Variants in SYNPR observed in about 807,000 individuals in gnomAD.
SYNPR encodes synaptoporin.
A neutral mutation model predicts 32.9 loss-of-function variants in SYNPR; 23 were observed. That is an observed-to-expected ratio of 0.70 (90% CI 0.50 to 0.99). The LOEUF (loss-of-function observed/expected upper bound fraction) is 0.99, where lower values mean the gene tolerates loss of function less well. Among genes scored for constraint, SYNPR ranks in the 50% least tolerant of loss-of-function variants. The probability of loss-of-function intolerance (pLI) is 0.00; values close to 1 mark genes in which losing one functional copy is unlikely to be tolerated. For missense variants in SYNPR, 318 were observed against 349.3 expected (o/e 0.91, Z 0.71); for synonymous variants, 146 against 135.9 (o/e 1.07, Z -0.52).
At chr3:63,481,677 G>A (rs1017149671) in intron 3 of SYNPR, among the ~76,000 whole-genome samples, 58 of 152,132 alleles carry the variant, frequency 3.8e-4, no homozygotes, top group African/African-American at 8.9e-4. Context: ...TATTAAGCAC[G>A]TAATCCCTGA....
chr3:63,258,871 T>A (rs964535913), intron 2 of SYNPR, among the ~76,000 whole-genome samples: 1 of 151,932 alleles, frequency 6.6e-6, no homozygotes, highest in African/African-American at 2.4e-5. Flanking sequence ...ATAGATGCAA[T>A]AAAAAATGAT....
intron 4 of SYNPR, among the ~76,000 whole-genome samples, chr3:63,601,353 T>G (rs562020672): frequency 8.4e-4 from 128 of 152,342 alleles, no homozygotes; most frequent in African/African-American, 3.0e-3. Context: ...AATTCTTTTT[T>G]TAAACTTTTA....
At chr3:63,542,345 C>A (rs1702320021) in intron 3 of SYNPR, among the ~76,000 whole-genome samples, 2 of 152,044 alleles carry the variant, frequency 1.3e-5, no homozygotes, top group Admixed American at 1.3e-4. Flanking sequence ...TACAGGTAAG[C>A]AAAAACATCA....
At chr3:63,521,283 T>C (rs1488215642) in intron 3 of SYNPR, among the ~76,000 whole-genome samples, 1 of 152,192 alleles carries the variant, frequency 6.6e-6, no homozygotes, top group African/African-American at 2.4e-5. Flanking sequence ...GGATTCTTGG[T>C]AAATATAATA....
chr3:63,522,924 ACT>A (rs1479738049), intron 3 of SYNPR, among the ~76,000 whole-genome samples: 2 of 151,854 alleles, frequency 1.3e-5, no homozygotes, highest in African/African-American at 2.4e-5. Flanking sequence ...GAAGTGACAG[ACT>A]CTGTTTTGTG....
At chr3:63,266,011 T>G (rs1381158548) in intron 2 of SYNPR, among the ~76,000 whole-genome samples, 1 of 152,064 alleles carries the variant, frequency 6.6e-6, no homozygotes, top group Non-Finnish European at 1.5e-5. Flanking sequence ...CTCTCCTAAA[T>G]TTTTTCTACA....
intron 2 of SYNPR, among the ~76,000 whole-genome samples, chr3:63,261,785 C>A (rs1280253732): frequency 6.7e-6 from 1 of 149,746 alleles, no homozygotes; most frequent in Non-Finnish European, 1.5e-5. Flanking sequence ...GGACAAAAAA[C>A]CAAACACCAC....
intron 4 of SYNPR, among the ~76,000 whole-genome samples, chr3:63,596,937 G>A (rs1411039246): frequency 6.6e-6 from 1 of 152,106 alleles, no homozygotes; most frequent in Non-Finnish European, 1.5e-5. Context: ...GAATTAAGAT[G>A]TACTGTAAGT....
chr3:63,530,745 C>T (rs11924708), intron 3 of SYNPR, among the ~76,000 whole-genome samples: 58,415 of 151,842 alleles, frequency 0.38, 11,478 homozygotes, highest in African/African-American at 0.46. Flanking sequence ...GAAGCAAGCC[C>T]CTCAGAGATA....
In SYNPR at chr3:63,273,166, T is replaced by A. The variant is rs141280263; in HGVS notation, n.287+5717T>A. Among the ~76,000 whole-genome samples, 3 of 152,298 alleles carry A rather than the reference T, an allele frequency of 2.0e-5. No individual in the cohort carries two copies. The East Asian group carries it at 5.8e-4, about 29-fold the overall frequency. On this transcript the variant is annotated intron_variant and non_coding_transcript_variant, in intron 3 of 4. Transcript: ENST00000478456. ...TCTTTACTTCAGTTCTACAGAGAAATTTTGTTTATGTTTCGGCAAGAAAAA... is the reference window on the plus strand; with the variant it reads ...TCTTTACTTCAGTTCTACAGAGAAAATTTGTTTATGTTTCGGCAAGAAAAA...
intron 2 of SYNPR, among the ~76,000 whole-genome samples, chr3:63,406,875 A>C (rs1370160186): frequency 1.3e-5 from 2 of 152,102 alleles, no homozygotes; most frequent in East Asian, 1.9e-4. Flanking sequence ...CCAGTCTAAA[A>C]ATTTTTACTG....
chr3:63,371,192 T>C (rs1247732468), intron 2 of SYNPR, among the ~76,000 whole-genome samples: 5 of 151,958 alleles, frequency 3.3e-5, no homozygotes, highest in Non-Finnish European at 5.9e-5. Flanking sequence ...ACTTCTACCA[T>C]GGACTTTTGC....
chr3:63,364,783 G>A (rs1039117488), intron 2 of SYNPR, among the ~76,000 whole-genome samples: 1 of 152,160 alleles, frequency 6.6e-6, no homozygotes, highest in Non-Finnish European at 1.5e-5. Flanking sequence ...TTGTTTGGAT[G>A]TGCCATTGGA....
chr3:63,553,685 T>A (rs938028512), intron 3 of SYNPR, among the ~76,000 whole-genome samples: 5 of 152,172 alleles, frequency 3.3e-5, no homozygotes, highest in African/African-American at 7.2e-5. Context: ...GAGTATTTTT[T>A]AATATTTTTT....
chr3:63,371,575 C>T (rs540427277), intron 2 of SYNPR, among the ~76,000 whole-genome samples: 3 of 152,340 alleles, frequency 2.0e-5, no homozygotes, highest in Admixed American at 2.0e-4. Context: ...ACTATTTTTG[C>T]TGCCCTGCAG....
At chr3:63,577,113 G>A (rs1702998497) in intron 4 of SYNPR, among the ~76,000 whole-genome samples, 1 of 152,140 alleles carries the variant, frequency 6.6e-6, no homozygotes, top group Non-Finnish European at 1.5e-5. Flanking sequence ...TTGGCAATCT[G>A]AAAAACAGAT....
In SYNPR at chr3:63,476,156, AGGGAGGGAGGG is replaced by A. The variant is rs1700905885; in HGVS notation, c.85-4675_85-4665del. 8.2e-5 allele frequency among the ~76,000 whole-genome samples: 2 copies of A among 24,272 alleles called. 1 individual carries two copies. The highest frequency in any genetic ancestry group is 1.5e-4 in the Non-Finnish European group (2 of 13,100). The allele number at this position is 24,272 out of a possible 152,430, so 15.9% of individuals were successfully genotyped here. On this transcript the variant is annotated intron_variant, in intron 2 of 5. Transcript: ENST00000478300. ...AAGGAAGGAAGGAAGGAAGGGAGGG[AGGGAGGGAGGG>A]AGGGAGGGAAGGAAGGGAAGGGAGG...
At chr3:63,228,803 T>G (rs1236196052) in intron 1 of SYNPR, among the ~76,000 whole-genome samples, 1 of 152,036 alleles carries the variant, frequency 6.6e-6, no homozygotes, top group Non-Finnish European at 1.5e-5. Flanking sequence ...AAGAGGCTAC[T>G]TCAGAAAGTG....
At chr3:63,560,722 A>C (rs1011433590) in intron 4 of SYNPR, among the ~76,000 whole-genome samples, 1 of 152,178 alleles carries the variant, frequency 6.6e-6, no homozygotes, top group African/African-American at 2.4e-5. Context: ...AGAGAGAAGA[A>C]GTGAGCAAGT....
Sources: allele counts gnomAD v4.1 joint callset (sites outside exome capture counted in the v4.1 genomes callset), GRCh38; gene constraint gnomAD v4.1.1; transcripts MANE v1.5; gene names NCBI Gene and HGNC (gene_info 2026-07-23, HGNC 2026-07-21).